The following SNED1 variants were observed in gnomAD, a reference collection of about 807,000 sequenced individuals.
The protein encoded by SNED1 is sushi, nidogen and EGF like domains 1.
SNED1 carries 81 observed loss-of-function variants against 166.7 expected under a neutral mutation model. The ratio of observed to expected loss-of-function variants is 0.49; its 90% CI spans 0.41 to 0.58. The LOEUF (loss-of-function observed/expected upper bound fraction) is 0.58, where lower values mean the gene tolerates loss of function less well. Ranked by LOEUF, SNED1 falls within the 20% of genes least tolerant of loss-of-function variation. The pLI is 0.00. For synonymous variants in SNED1, 762 were observed against 822.0 expected, an observed-to-expected ratio of 0.93 and a Z score of 1.25; for missense variants, 1,604 against 2,000.2, an observed-to-expected ratio of 0.80 and a Z score of 3.78.
At chr2:241,048,604 C>G (rs568608260) in intron 9 of SNED1, 58 bp from the exon 10 acceptor site, 2 of 1,520,934 alleles carry the variant, frequency 1.3e-6, no homozygotes, top group East Asian at 4.8e-5. Context: ...GGGTCTGGAG[C>G]GAGGGTGCCA....
chr2:241,005,050 A>C (rs1373269407), intron 1 of SNED1, among the ~76,000 whole-genome samples: 2 of 151,746 alleles, frequency 1.3e-5, no homozygotes, highest in East Asian at 3.9e-4. Context: ...ACAGTCAATT[A>C]TCATTTAAAG....
intron 8 of SNED1, among the ~76,000 whole-genome samples, chr2:241,043,520 T>C (rs911921709): frequency 6.6e-6 from 1 of 152,080 alleles, no homozygotes; most frequent in African/African-American, 2.4e-5. Context: ...AAGGAAATTA[T>C]TTAGTCAGAA....
Position 241,089,182 on chromosome 2 carries a change from A to C in SNED1, c.*1+780A>C, listed in dbSNP as rs561821620. On this transcript the variant is annotated intron_variant, in intron 31 of 31. Transcript: ENST00000310397. ...ATCTACAACCTGTTACCAGTTTCAT[A>C]CTGACCATCATTTTTTATCAACATG... is the stretch of plus-strand genomic sequence containing the variant. 212 of 1,026,942 alleles carry C rather than the reference A, an allele frequency of 2.1e-4. 2 individuals are homozygous for C. The African/African-American group carries it at 3.2e-3, about 15-fold the overall frequency. 63.6% of individuals were successfully genotyped at this position (1,026,942 alleles called of 1,614,324 possible).
intron 6 of SNED1, 65 bp from the exon 7 acceptor site, chr2:241,040,010 G>T: frequency 3.1e-6 from 4 of 1,303,150 alleles, no homozygotes; most frequent in Non-Finnish European, 4.3e-6. Flanking sequence ...CGTCCCAGGG[G>T]TTTCTGTCCC....
At chr2:241,086,370 G>A (rs1575136454) in intron 29 of SNED1, among the ~76,000 whole-genome samples, 1 of 130,532 alleles carries the variant, frequency 7.7e-6, no homozygotes, top group South Asian at 2.5e-4. Flanking sequence ...CTTCAGTACT[G>A]CCCCACAAAT....
rs2064012646 is a variant in SNED1, at chr2:241,091,630, C to T, written c.*2-8C>T. 6.6e-6 allele frequency: 1 copy of T among 152,202 alleles called. No homozygotes were observed. The highest frequency in any genetic ancestry group is 1.5e-5 in the Non-Finnish European group (1 of 68,028). 9.4% of individuals were successfully genotyped at this position (152,202 alleles called of 1,614,324 possible). A position where few individuals can be genotyped will look rare whatever the true frequency, so the allele number is the denominator to read the frequency against. ...CTCCTCATGCTTCACTTTGTTTTTT[C>T]TTCAAAGGATTTAAGACGTTCTTGT... is the stretch of plus-strand genomic sequence containing the variant. On this transcript the variant is annotated splice_region_variant and splice_polypyrimidine_tract_variant and intron_variant, in intron 31 of 31. Coordinates refer to ENST00000310397, the MANE Select transcript of SNED1 (RefSeq NM_001080437.3). This position sits in a 1 kb window ranked among gnomAD's most constrained non-coding sequence, Gnocchi z 4.1.
chr2:241,039,554 G>A (rs2061464399), intron 6 of SNED1, among the ~76,000 whole-genome samples: 1 of 152,014 alleles, frequency 6.6e-6, no homozygotes, highest in African/African-American at 2.4e-5. Flanking sequence ...CAGAGGGTGG[G>A]CTCCCCTAGC....
At chr2:241,000,158 C>T (rs953303223) in intron 1 of SNED1, among the ~76,000 whole-genome samples, 1 of 152,178 alleles carries the variant, frequency 6.6e-6, no homozygotes, top group African/African-American at 2.4e-5. Flanking sequence ...AGCTTCCCGT[C>T]GTCACCATCC....
At chr2:241,082,501 C>T (rs1444730139) in intron 29 of SNED1, 137 bp downstream of exon 29, 5 of 632,828 alleles carry the variant, frequency 7.9e-6, no homozygotes, top group East Asian at 2.6e-5. Flanking sequence ...CTTTGACCAT[C>T]GATTCCCTCC....
At chr2:241,021,234 A>G in intron 1 of SNED1, among the ~76,000 whole-genome samples, 1 of 152,144 alleles carries the variant, frequency 6.6e-6, no homozygotes, top group East Asian at 1.9e-4. Context: ...TGCGCTTCCC[A>G]CATCCAGAGA....
In SNED1 at chr2:241,075,125, G is replaced by A. The variant is rs2062959314; in HGVS notation, c.3916+1761G>A. The stretch of plus-strand genomic sequence containing the variant: ...CCTACTATTGAGCACAGAGTCCACT[G>A]AGTGAACTGACCGGCTCTTCTCCCC... On this transcript the variant is annotated intron_variant, in intron 27 of 31. Transcript: ENST00000310397. The surrounding 1 kb of genome is among the most constrained non-coding windows in gnomAD (Gnocchi z 4.8). 1 of 152,248 alleles carries A rather than the reference G, an allele frequency of 6.6e-6. No individual in the cohort carries two copies. The highest frequency in any genetic ancestry group is 2.4e-5 in the African/African-American group (1 of 41,456). 9.4% of individuals were successfully genotyped at this position (152,248 alleles called of 1,614,324 possible). A position where few individuals can be genotyped will look rare whatever the true frequency, so the allele number is the denominator to read the frequency against.
chr2:241,031,150 G>T (rs996412251), intron 2 of SNED1, among the ~76,000 whole-genome samples: 13 of 152,058 alleles, frequency 8.5e-5, no homozygotes, highest in African/African-American at 3.1e-4. Flanking sequence ...AGAGCTGTTT[G>T]TTCATGCATT....
chr2:241,012,539 CGTT>C (rs1359858847), intron 1 of SNED1, among the ~76,000 whole-genome samples: 1 of 152,154 alleles, frequency 6.6e-6, no homozygotes, highest in Non-Finnish European at 1.5e-5. Context: ...ACCTCTGTAT[CGTT>C]GTATGAATAG....
chr2:241,063,880 G>T (rs1276290238), intron 18 of SNED1, 132 bp from the exon 19 acceptor site: 1 of 775,710 alleles, frequency 1.3e-6, no homozygotes, highest in South Asian at 1.7e-5. Context: ...GCTGAGGGGC[G>T]GGACCTGCCC....
intron 1 of SNED1, among the ~76,000 whole-genome samples, chr2:241,019,372 T>A (rs554790997): frequency 6.6e-6 from 1 of 152,342 alleles, no homozygotes; most frequent in South Asian, 2.1e-4. Flanking sequence ...AGCATCACTG[T>A]CAGATGCAAA....
chr2:241,062,752 G>A (rs375055268), intron 16 of SNED1, 39 bp from the exon 17 acceptor site: 58 of 1,408,726 alleles, frequency 4.1e-5, no homozygotes, highest in African/African-American at 5.6e-5. Flanking sequence ...TGGCTTAATC[G>A]TGGCCACATT....
In SNED1 at chr2:241,036,825, G is replaced by A. The variant is rs1368296927; in HGVS notation, c.841G>A (p.Gly281Ser). 5.0e-6 allele frequency: 8 copies of A among 1,610,676 alleles called. No homozygotes were observed. The highest frequency in any genetic ancestry group is 6.8e-6 in the Non-Finnish European group (8 of 1,179,692). ...VCLALRPCLN[G>S]GKCIDDCVTG... The stretch of plus-strand genomic sequence containing the variant: ...CCTGGCCCTGCGCCCCTGCCTCAAC[G>A]GCGGCAAGTGCATCGACGACTGCGT... Residue 281 changes from glycine (G) to serine (S), a missense_variant, in exon 5 of 32, where the codon GGC (glycine) becomes AGC (serine). Gly to Ser is a moderately conservative substitution (Grantham distance 56). Coordinates refer to ENST00000310397, the MANE Select transcript of SNED1 (RefSeq NM_001080437.3).
chr2:241,020,596 C>G (rs10190984), intron 1 of SNED1, among the ~76,000 whole-genome samples: 1 of 152,190 alleles, frequency 6.6e-6, no homozygotes, highest in Non-Finnish European at 1.5e-5. Context: ...ACCTGTTGGG[C>G]GCTGCCCTTA....
intron 17 of SNED1, 102 bp downstream of exon 17, chr2:241,063,006 G>C: frequency 4.2e-6 from 3 of 710,450 alleles, no homozygotes; most frequent in Non-Finnish European, 6.9e-6. Context: ...GATGGCCAGG[G>C]TGGCCACTGC....
Sources: gnomAD v4.1 joint callset for allele counts (sites outside exome capture counted in the v4.1 genomes callset) on GRCh38, gnomAD v4.1.1 for gene constraint, Gnocchi (gnomAD v3.1) non-coding constraint, MANE v1.5 for transcripts, NCBI Gene and HGNC (gene_info 2026-07-23, HGNC 2026-07-21) for gene names.